The following GARIN2 variants were observed in gnomAD, a reference collection of about 807,000 sequenced individuals.
GARIN2 encodes Golgi-associated RAB2 interactor protein 2.
At chr14:67,200,414 T>G in the GARIN2 span, 1 of 556,248 alleles carries the variant, frequency 1.8e-6, no homozygotes. Context: ...TCCTTGGGGC[T>G]AAGGCACTAA....
At chr14:67,200,657 G>T in the GARIN2 span, 1 of 165,284 alleles carries the variant, frequency 6.1e-6, no homozygotes, top group East Asian at 1.9e-4. Context: ...GGCAGGAGGT[G>T]AAACCTCCCA....
chr14:67,193,771 A>C, the GARIN2 span, among the ~76,000 whole-genome samples: 1 of 144,118 alleles, frequency 6.9e-6, no homozygotes, highest in African/African-American at 2.5e-5. Context: ...AGGAAGACCC[A>C]ATTTCTACAA....
the GARIN2 span, among the ~76,000 whole-genome samples, chr14:67,201,202 G>C: frequency 3.3e-5 from 5 of 152,190 alleles, no homozygotes; most frequent in African/African-American, 1.2e-4. Context: ...GCTGAGGAGG[G>C]AGGATTGCTT....
At chr14:67,199,821 C>T in the GARIN2 span, 436 of 1,504,516 alleles carry the variant, frequency 2.9e-4, no homozygotes, top group Admixed American at 9.1e-4. Flanking sequence ...GGAGCCCTCC[C>T]ACCTGGGATA....
the GARIN2 span, chr14:67,199,953 A>C: frequency 7.6e-7 from 1 of 1,314,168 alleles, no homozygotes; most frequent in African/African-American, 1.5e-5. Context: ...CATTCCCACC[A>C]GGAGGAGTGC....
the GARIN2 span, among the ~76,000 whole-genome samples, chr14:67,212,621 T>G: frequency 6.9e-6 from 1 of 145,308 alleles, no homozygotes; most frequent in Non-Finnish European, 1.5e-5. Context: ...ATATGTAATA[T>G]ATATTATATA....
the GARIN2 span, among the ~76,000 whole-genome samples, chr14:67,214,647 G>A: frequency 0.16 from 23,506 of 151,584 alleles, 3,439 homozygotes; most frequent in East Asian, 0.42. Flanking sequence ...TTGGCGATGC[G>A]GGCTCTTTTT....
the GARIN2 span, among the ~76,000 whole-genome samples, chr14:67,197,917 T>C: frequency 6.6e-6 from 1 of 152,200 alleles, no homozygotes; most frequent in African/African-American, 2.4e-5. Context: ...GAGTTTCTTT[T>C]GGCTTGCTTA....
the GARIN2 span, among the ~76,000 whole-genome samples, chr14:67,218,726 C>T: frequency 2.0e-5 from 3 of 152,000 alleles, no homozygotes; most frequent in Admixed American, 6.5e-5. Flanking sequence ...AAGCACAGCA[C>T]ATAGCCATTC....
chr14:67,203,051 C>A, the GARIN2 span: 1 of 1,583,796 alleles, frequency 6.3e-7, no homozygotes, highest in Non-Finnish European at 8.6e-7. Context: ...GTCAAAGCCA[C>A]ACATTTCATC....
At chr14:67,208,539 G>T in the GARIN2 span, 2 of 1,322,994 alleles carry the variant, frequency 1.5e-6, no homozygotes, top group South Asian at 3.0e-5. Context: ...TCAGGCATCT[G>T]CCACTGAAGA....
the GARIN2 span, chr14:67,204,986 G>C: frequency 6.4e-7 from 1 of 1,571,612 alleles, no homozygotes; most frequent in Non-Finnish European, 8.6e-7. Flanking sequence ...ATAGAAGTCA[G>C]AGAAGCCACG....
At chr14:67,223,379 T>C in the GARIN2 span, among the ~76,000 whole-genome samples, 1 of 152,204 alleles carries the variant, frequency 6.6e-6, no homozygotes, top group African/African-American at 2.4e-5. Context: ...TCTATACTAC[T>C]GAACCTGAGA....
the GARIN2 span, among the ~76,000 whole-genome samples, chr14:67,224,258 T>C: frequency 1.4e-5 from 2 of 145,484 alleles, no homozygotes; most frequent in African/African-American, 2.7e-5. Context: ...TTCTCTCTTT[T>C]CTTTTTTTTT....
the GARIN2 span, among the ~76,000 whole-genome samples, chr14:67,195,513 A>G: frequency 2.6e-5 from 4 of 152,180 alleles, no homozygotes; most frequent in Non-Finnish European, 4.4e-5. Flanking sequence ...CACACCCTCC[A>G]GTATGCAGTA....
chr14:67,196,415 C>T, the GARIN2 span, among the ~76,000 whole-genome samples: 38 of 151,906 alleles, frequency 2.5e-4, no homozygotes, highest in African/African-American at 9.2e-4. Context: ...CAGGATTTCA[C>T]GACGTTGGCC....
At chr14:67,219,298 C>G in the GARIN2 span, among the ~76,000 whole-genome samples, 4 of 152,270 alleles carry the variant, frequency 2.6e-5, no homozygotes, top group Admixed American at 2.0e-4. Flanking sequence ...AATGGGAGGT[C>G]TCTCCTGACT....
At chr14:67,228,433 A>G in the GARIN2 span, 4,081 of 320,852 alleles carry the variant, frequency 0.013, 32 homozygotes, top group Non-Finnish European at 0.015. Flanking sequence ...TTTTAAAATC[A>G]GATACAAACT....
the GARIN2 span, chr14:67,224,843 G>A: frequency 3.2e-6 from 1 of 308,928 alleles, no homozygotes; most frequent in African/African-American, 2.2e-5. Context: ...AAGCAGCCAG[G>A]TTCATTCTTT....
Sources: gnomAD v4.1 joint callset for allele counts (sites outside exome capture counted in the v4.1 genomes callset) on GRCh38, gnomAD v4.1.1 for gene constraint, MANE v1.5 for transcripts, NCBI Gene and HGNC (gene_info 2026-07-23, HGNC 2026-07-21) for gene names.